FAM20C: variants seen among roughly 807,000 people sequenced by gnomAD.
FAM20C encodes the protein extracellular serine/threonine protein kinase FAM20C.
In FAM20C, 40 loss-of-function variants were observed where a neutral mutation model predicts 51.5. The observed-to-expected ratio is 0.78, with a 90% confidence interval of 0.60 to 1.01. The LOEUF (loss-of-function observed/expected upper bound fraction) is 1.01, where lower values mean the gene tolerates loss of function less well. Ranked by LOEUF, FAM20C falls within the 50% of genes least tolerant of loss-of-function variation. The pLI, the probability that FAM20C is intolerant of heterozygous loss-of-function variation, is 0.00. For synonymous variants in FAM20C, 406 were observed against 380.6 expected, an observed-to-expected ratio of 1.07 and a Z score of -0.78; for missense variants, 861 against 844.7, an observed-to-expected ratio of 1.02 and a Z score of -0.24.
chr7:216,654 T>A (rs1239617402), intron 3 of FAM20C, among the ~76,000 whole-genome samples: 3 of 124,482 alleles, frequency 2.4e-5, no homozygotes, highest in Non-Finnish European at 3.5e-5. Context: ...TGTGTGTGAG[T>A]GTGTGTGTGA....
intron 4 of FAM20C, 144 bp downstream of exon 4, chr7:246,651 C>T: frequency 3.9e-6 from 2 of 513,836 alleles, no homozygotes; most frequent in South Asian, 4.8e-5. Flanking sequence ...CTCCCCCCAC[C>T]CCGAGTGCTG....
At chr7:216,674 T>TGTGTGA (rs149705256) in intron 3 of FAM20C, among the ~76,000 whole-genome samples, 31,064 of 140,094 alleles carry the variant, frequency 0.22, 3,804 homozygotes, top group Admixed American at 0.32. Flanking sequence ...AGAGACAGAG[T>TGTGTGA]GTGTGTGAGA....
intron 9 of FAM20C, among the ~76,000 whole-genome samples, chr7:259,378 G>A (rs901808091): frequency 8.6e-5 from 13 of 151,990 alleles, no homozygotes; most frequent in Non-Finnish European, 1.5e-4. Context: ...ACAGCCCGGA[G>A]GCTGATGAGG....
intron 6 of FAM20C, 127 bp downstream of exon 6, chr7:256,156 C>T: frequency 1.7e-6 from 2 of 1,196,692 alleles, no homozygotes; most frequent in Non-Finnish European, 2.3e-6. Context: ...CTGTGCGATG[C>T]TGGCCTGTGT....
intron 3 of FAM20C, among the ~76,000 whole-genome samples, chr7:214,914 C>T (rs1370808240): frequency 1.3e-5 from 2 of 152,086 alleles, no homozygotes; most frequent in Non-Finnish European, 2.9e-5. Context: ...AGTCATTCCA[C>T]AAACTCGGAG....
chr7:259,537 T>C (rs1788793363), intron 9 of FAM20C, among the ~76,000 whole-genome samples, 194 bp from the exon 10 acceptor site: 1 of 152,220 alleles, frequency 6.6e-6, no homozygotes, highest in African/African-American at 2.4e-5. Context: ...TCTGCCTTTC[T>C]CTCTCCCTCT....
At chr7:233,593 C>T (rs1787764611) in intron 3 of FAM20C, among the ~76,000 whole-genome samples, 2 of 152,174 alleles carry the variant, frequency 1.3e-5, no homozygotes, top group African/African-American at 2.4e-5. Flanking sequence ...GAGGCGCCTG[C>T]GTTGGCGGCT....
intron 3 of FAM20C, chr7:227,787 C>T (rs1787502961): frequency 6.6e-6 from 1 of 152,292 alleles, no homozygotes; most frequent in Non-Finnish European, 1.5e-5. Context: ...TCCCCGTTTG[C>T]TTTTGAAATA....
At chr7:219,040 G>A (rs1787131472) in intron 3 of FAM20C, among the ~76,000 whole-genome samples, 1 of 152,198 alleles carries the variant, frequency 6.6e-6, no homozygotes, top group Non-Finnish European at 1.5e-5. Context: ...CATAAAGTGA[G>A]GGTTCCCCAG....
At chr7:244,954 G>A (rs1295323552) in intron 3 of FAM20C, among the ~76,000 whole-genome samples, 3 of 152,254 alleles carry the variant, frequency 2.0e-5, no homozygotes, top group South Asian at 2.1e-4. Flanking sequence ...TGAGAACAGC[G>A]TGGGAGGACG....
At chr7:255,710 G>T (rs899651921) in intron 5 of FAM20C, 139 bp from the exon 6 acceptor site, 3 of 833,438 alleles carry the variant, frequency 3.6e-6, no homozygotes, top group African/African-American at 5.2e-5. Flanking sequence ...GTGTTTGCTG[G>T]GATTGATGGG....
chr7:212,068 G>T (rs1444442111), intron 3 of FAM20C, among the ~76,000 whole-genome samples: 1 of 152,242 alleles, frequency 6.6e-6, no homozygotes, highest in Non-Finnish European at 1.5e-5. Context: ...CCCAGGGCCT[G>T]GGGGATGATC....
At chr7:237,749 T>C (rs1787890640) in intron 3 of FAM20C, among the ~76,000 whole-genome samples, 1 of 152,178 alleles carries the variant, frequency 6.6e-6, no homozygotes, top group South Asian at 2.1e-4. Flanking sequence ...TAGATGATGA[T>C]AATGATGATG....
In FAM20C at chr7:228,570, C is replaced by A. The variant is rs540904534; in HGVS notation, c.864-17845C>A. 477 of 456,224 alleles carry A rather than the reference C, an allele frequency of 1.0e-3. 1 individual carries two copies. Among genetic ancestry groups the A allele is most frequent in the Middle Eastern group, 1.3e-3 (4 of 3,060 alleles). The allele number at this position is 456,224 out of a possible 1,614,324, so 28.3% of individuals were successfully genotyped here. A position where few individuals can be genotyped will look rare whatever the true frequency, so the allele number is the denominator to read the frequency against. On this transcript the variant is annotated intron_variant, in intron 3 of 9. Transcript: ENST00000313766. The stretch of plus-strand genomic sequence containing the variant: ...GAAGGGGAGACGCCCGCTGCCTACA[C>A]CCCCAGCTCTCCTCTGAGGGCAGCG...
At chr7:217,378 G>GCCCCCC (rs1787031841) in intron 3 of FAM20C, among the ~76,000 whole-genome samples, 1 of 4,712 alleles carries the variant, frequency 2.1e-4, no homozygotes, top group African/African-American at 5.8e-4. Context: ...CAGACTGGCT[G>GCCCCCC]TGGGTGAGCT....
chr7:224,261 ATG>A (rs1562381199), intron 3 of FAM20C, among the ~76,000 whole-genome samples: 4 of 59,022 alleles, frequency 6.8e-5, no homozygotes, highest in African/African-American at 2.3e-4. Context: ...ACGGGGTCGC[ATG>A]GCGGCTGTCC....
At chr7:245,077 T>C (rs1178521138) in intron 3 of FAM20C, among the ~76,000 whole-genome samples, 2 of 152,192 alleles carry the variant, frequency 1.3e-5, no homozygotes, top group Non-Finnish European at 2.9e-5. Context: ...CGTGTGGCGA[T>C]GATGTCGGCC....
intron 3 of FAM20C, among the ~76,000 whole-genome samples, chr7:220,517 G>C (rs1057265506): frequency 1.3e-5 from 2 of 152,234 alleles, no homozygotes; most frequent in African/African-American, 4.8e-5. Flanking sequence ...TTGGTGAAGG[G>C]GGCGTTGTTC....
chr7:233,665 G>A (rs921273809), intron 3 of FAM20C, among the ~76,000 whole-genome samples: 7 of 152,104 alleles, frequency 4.6e-5, no homozygotes, highest in East Asian at 1.9e-4. Flanking sequence ...GGTCTCCCTC[G>A]GCCCCTCTTG....
Sources: allele counts gnomAD v4.1 joint callset (sites outside exome capture counted in the v4.1 genomes callset), GRCh38; gene constraint gnomAD v4.1.1; transcripts MANE v1.5; gene names NCBI Gene and HGNC (gene_info 2026-07-23, HGNC 2026-07-21).